Variants in SDC3 observed in about 807,000 individuals in gnomAD.
SDC3 encodes syndecan 3.
In SDC3, 13 loss-of-function variants were observed where a neutral mutation model predicts 24.4. The ratio of observed to expected loss-of-function variants is 0.53; its 90% CI spans 0.35 to 0.85. The LOEUF is 0.85. SDC3 is among the 40% of genes least tolerant of loss of function. SDC3 has a pLI of 0.01. For synonymous variants in SDC3, 295 were observed against 260.9 expected, an observed-to-expected ratio of 1.13 and a Z score of -1.26; for missense variants, 571 against 584.5, an observed-to-expected ratio of 0.98 and a Z score of 0.24.
intron 1 of SDC3, among the ~76,000 whole-genome samples, chr1:30,903,613 G>A (rs1323829733): frequency 1.3e-5 from 2 of 152,130 alleles, no homozygotes; most frequent in African/African-American, 4.8e-5. Context: ...GGGTGAGACA[G>A]CATCACTGAC....
intron 1 of SDC3, among the ~76,000 whole-genome samples, chr1:30,890,963 G>A (rs906319982): frequency 3.9e-5 from 6 of 152,216 alleles, no homozygotes; most frequent in Non-Finnish European, 8.8e-5. Flanking sequence ...TTTGTCAGGT[G>A]GGGCCAGTGG....
Position 30,873,109 on chromosome 1 carries a change from G to C in SDC3, c.*102C>G. On this transcript the variant is annotated 3_prime_UTR_variant, in exon 5 of 5. Coordinates refer to ENST00000339394, the MANE Select transcript of SDC3 (RefSeq NM_014654.4). ...TGGGAGAGAGGGCAGAGAAGAACTG[G>C]GGCCAGGTTCCAGGCCCAGTCCCAG... 1.2e-6 allele frequency: 1 copy of C among 826,976 alleles called. No homozygotes were observed. The highest frequency in any genetic ancestry group is 2.4e-5 in the East Asian group (1 of 41,102). 51.2% of individuals were successfully genotyped at this position (826,976 alleles called of 1,614,324 possible).
intron 1 of SDC3, among the ~76,000 whole-genome samples, chr1:30,894,533 AGT>A (rs145479086): frequency 2.6e-5 from 2 of 78,320 alleles, no homozygotes; most frequent in African/African-American, 1.1e-4. Context: ...AGTGGGTGAG[AGT>A]GTGCGTGGAT....
chr1:30,888,949 C>CT (rs76000180), intron 1 of SDC3, among the ~76,000 whole-genome samples: 44,661 of 151,984 alleles, frequency 0.29, 8,380 homozygotes, highest in East Asian at 0.6. Flanking sequence ...ACACTTGCCC[C>CT]AGGACTGTCT....
rs557372727 is a variant in SDC3, at chr1:30,879,473, C to T, written c.139-733G>A. 2.6e-5 allele frequency among the ~76,000 whole-genome samples: 4 copies of T among 152,310 alleles called. No individual in the cohort carries two copies. The East Asian group carries it at 7.7e-4, about 29-fold the overall frequency. ...AGGAGCTCAGAGCAGTAGGGCCCAA[C>T]TTTTCCCCAGCTCCCCTCTGCCCAG... On this transcript the variant is annotated intron_variant, in intron 1 of 4. Transcript: ENST00000339394.
upstream of SDC3, among the ~76,000 whole-genome samples, chr1:30,909,406 C>T (rs1638605801): frequency 6.6e-6 from 1 of 152,190 alleles, no homozygotes; most frequent in Non-Finnish European, 1.5e-5. Context: ...TGCTTCCACA[C>T]CAGCTGTGCG....
At chr1:30,902,309 C>T (rs1353829826) in intron 1 of SDC3, among the ~76,000 whole-genome samples, 1 of 152,240 alleles carries the variant, frequency 6.6e-6, no homozygotes, top group African/African-American at 2.4e-5. Flanking sequence ...CCTGTAATCA[C>T]GGCTTCCTGT....
chr1:30,886,343 C>T (rs1006478263), intron 1 of SDC3, among the ~76,000 whole-genome samples: 1 of 152,088 alleles, frequency 6.6e-6, no homozygotes, highest in Non-Finnish European at 1.5e-5. Flanking sequence ...CACACAATGC[C>T]TCCTTTGTCA....
At chr1:30,874,074 A>C (rs1303010690) in intron 4 of SDC3, among the ~76,000 whole-genome samples, 1 of 152,172 alleles carries the variant, frequency 6.6e-6, no homozygotes, top group African/African-American at 2.4e-5. Flanking sequence ...GAAGACCTAG[A>C]GATGGACATG....
intron 1 of SDC3, among the ~76,000 whole-genome samples, chr1:30,904,744 T>A (rs1301408052): frequency 6.6e-6 from 1 of 152,166 alleles, no homozygotes; most frequent in African/African-American, 2.4e-5. Flanking sequence ...GCTACTGTCA[T>A]GTGATGACCA....
chr1:30,898,248 T>TC (rs1312151934), intron 1 of SDC3, among the ~76,000 whole-genome samples: 1 of 152,118 alleles, frequency 6.6e-6, no homozygotes, highest in East Asian at 1.9e-4. Context: ...ACTGCGACCT[T>TC]CCCCACTTCT....
At position 30,893,171 on chromosome 1, in the gene SDC3, G is replaced by A. The variant is rs201638923; in HGVS notation, c.139-14431C>T. ...GAGGGTGGGGAAGGTGCAGGGTCAG[G>A]GGAATCGGCCCATGCAATCTCTGTG... On this transcript the variant is annotated intron_variant, in intron 1 of 4. Transcript: ENST00000339394. Among the ~76,000 whole-genome samples the A allele has an allele frequency of 1.1e-4, 17 of 152,196 alleles. No individual in the cohort carries two copies. In the East Asian group the frequency reaches 3.1e-3, roughly 28 times the overall value.
At chr1:30,874,143 G>A (rs998989934) in intron 4 of SDC3, among the ~76,000 whole-genome samples, 154 bp downstream of exon 4, 1 of 152,122 alleles carries the variant, frequency 6.6e-6, no homozygotes, top group Non-Finnish European at 1.5e-5. Context: ...GGCAGGTCCT[G>A]GGGGGTTGAG....
intron 1 of SDC3, among the ~76,000 whole-genome samples, chr1:30,889,951 T>G (rs1418251550): frequency 2.0e-5 from 3 of 152,034 alleles, no homozygotes; most frequent in Non-Finnish European, 4.4e-5. Flanking sequence ...ATCCATCAGC[T>G]GATGAATGAA....
At chr1:30,905,356 A>ACACACACACACAC (rs1638499140) in intron 1 of SDC3, among the ~76,000 whole-genome samples, 1 of 77,238 alleles carries the variant, frequency 1.3e-5, no homozygotes, top group African/African-American at 5.3e-5. Context: ...CTCTCTCACA[A>ACACACACACACAC]ACACACACAC....
At chr1:30,882,236 C>T (rs1212462327) in intron 1 of SDC3, among the ~76,000 whole-genome samples, 3 of 152,206 alleles carry the variant, frequency 2.0e-5, no homozygotes. Context: ...ACGCACTTTC[C>T]TTCCGGGTAC....
chr1:30,897,064 T>A (rs1638277872), intron 1 of SDC3, among the ~76,000 whole-genome samples: 1 of 152,102 alleles, frequency 6.6e-6, no homozygotes, highest in South Asian at 2.1e-4. Context: ...ATATTGGGCA[T>A]ATATGGGCAG....
At chr1:30,900,515 T>A (rs1376868036) in intron 1 of SDC3, among the ~76,000 whole-genome samples, 1 of 152,064 alleles carries the variant, frequency 6.6e-6, no homozygotes, top group Non-Finnish European at 1.5e-5. Flanking sequence ...ACTGTGGGCC[T>A]GGACAGGGAA....
chr1:30,879,885 C>A (rs1247363490), intron 1 of SDC3: 1 of 152,504 alleles, frequency 6.6e-6, no homozygotes, highest in Admixed American at 6.5e-5. Context: ...CCTGTACAAA[C>A]CCAAAGACCT....
Sources: allele counts gnomAD v4.1 joint callset (sites outside exome capture counted in the v4.1 genomes callset), GRCh38; gene constraint gnomAD v4.1.1; transcripts MANE v1.5; gene names NCBI Gene and HGNC (gene_info 2026-07-23, HGNC 2026-07-21).